BAG3: variants seen among roughly 807,000 people sequenced by gnomAD.
BAG3 encodes BAG cochaperone 3.
BAG3 carries 14 observed loss-of-function variants against 40.5 expected under a neutral mutation model. The ratio of observed to expected loss-of-function variants is 0.35; its 90% CI spans 0.23 to 0.54. The LOEUF (loss-of-function observed/expected upper bound fraction) is 0.54, where lower values mean the gene tolerates loss of function less well. Ranked by LOEUF, BAG3 falls within the 20% of genes least tolerant of loss-of-function variation. The probability of loss-of-function intolerance (pLI) is 0.91; values close to 1 mark genes in which losing one functional copy is unlikely to be tolerated. For synonymous variants in BAG3, 302 were observed against 307.8 expected (o/e 0.98, Z 0.20); for missense variants, 788 against 758.6 (o/e 1.04, Z -0.46).
intron 1 of BAG3, among the ~76,000 whole-genome samples, chr10:119,656,249 G>A (rs750844290): frequency 2.0e-5 from 3 of 152,076 alleles, no homozygotes; most frequent in African/African-American, 4.8e-5. Flanking sequence ...TGGCACTGGC[G>A]AACACGAGTG....
chr10:119,668,032 G>C (rs1350339194), intron 1 of BAG3, among the ~76,000 whole-genome samples: 1 of 152,224 alleles, frequency 6.6e-6, no homozygotes, highest in Non-Finnish European at 1.5e-5. Context: ...TGAATGTGAG[G>C]CCTGGACCTG....
At chr10:119,670,967 CCT>C (rs1340371218) in intron 2 of BAG3, among the ~76,000 whole-genome samples, 1 of 152,172 alleles carries the variant, frequency 6.6e-6, no homozygotes, top group African/African-American at 2.4e-5. Flanking sequence ...GTCATGCTTG[CCT>C]CTCAGCTCCG....
chr10:119,669,798 G>A lies in BAG3; in HGVS notation c.181-53G>A, dbSNP rs1250585353. ...CGCCACAGTGTTTCCTCTGCCAGGA[G>A]GGTTCACTTCCCAGTTTCTAACCAG... On this transcript the variant is annotated intron_variant, in intron 1 of 3. Transcript: ENST00000369085. 2.6e-6 allele frequency: 4 copies of A among 1,543,324 alleles called. No homozygotes were observed. In the East Asian group the frequency reaches 6.7e-5, roughly 26 times the overall value.
At chr10:119,651,975 G>T in intron 1 of BAG3, 120 bp downstream of exon 1, 1 of 877,488 alleles carries the variant, frequency 1.1e-6, no homozygotes, top group Non-Finnish European at 1.5e-6. Context: ...AAGGCCCCTC[G>T]CGGGCGGACA....
rs1446179881 is a variant in BAG3, at chr10:119,665,091, TTTG to T, written c.181-4758_181-4756del. Among the ~76,000 whole-genome samples, 201 of 55,106 alleles carry T rather than the reference TTTG, an allele frequency of 3.6e-3. 6 individuals carry two copies. Among genetic ancestry groups the T allele is most frequent in the African/African-American group, 0.012 (183 of 15,728 alleles). 36.2% of individuals were successfully genotyped at this position (55,106 alleles called of 152,430 possible). Reference sequence around the variant, plus strand: ...CGCCACCACACACAGCTAATTTTTGTTTGTGTGTGTGTGTGTGTGTGTGTGTGT... The same window carrying T: ...CGCCACCACACACAGCTAATTTTTGTTGTGTGTGTGTGTGTGTGTGTGTGT... On this transcript the variant is annotated intron_variant, in intron 1 of 3. Transcript: ENST00000369085.
chr10:119,675,919 T>TCCTCCCTC (rs762367884), intron 3 of BAG3, among the ~76,000 whole-genome samples: 5 of 10,132 alleles, frequency 4.9e-4, no homozygotes, highest in East Asian at 2.1e-3. Flanking sequence ...CTTCCTTCCT[T>TCCTCCCTC]CCTCCCTCCC....
intron 1 of BAG3, among the ~76,000 whole-genome samples, chr10:119,655,071 G>A (rs1275739140): frequency 6.6e-6 from 1 of 152,228 alleles, no homozygotes; most frequent in East Asian, 1.9e-4. Context: ...CACTGGCAGT[G>A]GGAGCCACGG....
At chr10:119,675,761 T>TTCCTTACCTCCTTCCC (rs1554877575) in intron 3 of BAG3, among the ~76,000 whole-genome samples, 1 of 81,200 alleles carries the variant, frequency 1.2e-5, no homozygotes, top group African/African-American at 5.0e-5. Flanking sequence ...CTTTCCTTCC[T>TTCCTTACCTCCTTCCC]TCCTTCCCTC....
In BAG3 at chr10:119,676,736, G is replaced by A. The variant is rs1847242297; in HGVS notation, c.1182G>A (p.Glu394=). Residue 394 remains glutamate, a synonymous_variant, in exon 4 of 4, where the codon GAG becomes GAA. Coordinates refer to ENST00000369085, the MANE Select transcript of BAG3 (RefSeq NM_004281.4). ...CCCCCAAGAGTGTGGCTACAGAAGA[G>A]AGGGCAGCCCCCAGCACTGCCCCTG... ...PSSPKSVATE[E]RAAPSTAPAE... The A allele has an allele frequency of 6.2e-7, 1 of 1,614,002 alleles. No individual in the cohort carries two copies. The highest frequency in any genetic ancestry group is 1.3e-5 in the African/African-American group (1 of 74,896).
rs189692700 is a variant in BAG3, at chr10:119,654,959, C to T, written c.180+3104C>T. Among the ~76,000 whole-genome samples the T allele has an allele frequency of 3.9e-5, 6 of 152,332 alleles. No homozygotes were observed. In the East Asian group the frequency reaches 7.7e-4, roughly 20 times the overall value. On this transcript the variant is annotated intron_variant, in intron 1 of 3. Transcript: ENST00000369085. ...AACACAGATTGTGGCTGTGTCTCAT[C>T]GCCTCCCTGCCCCAACCCCATGTTC...
chr10:119,668,971 A>T (rs181276362), intron 1 of BAG3, among the ~76,000 whole-genome samples: 8 of 152,304 alleles, frequency 5.3e-5, no homozygotes, highest in African/African-American at 1.9e-4. Flanking sequence ...AAGAGGAAAC[A>T]TCAGGGCTAA....
Position 119,651,581 on chromosome 10 carries a change from G to T in BAG3, c.-95G>T. 1 of 1,208,498 alleles carries T rather than the reference G, an allele frequency of 8.3e-7. No individual in the cohort carries two copies. 74.9% of individuals were successfully genotyped at this position (1,208,498 alleles called of 1,614,324 possible). The stretch of plus-strand genomic sequence containing the variant: ...CGCCGGCTTCCCGGACACGTCGGCG[G>T]CGGAGAGGGGCCCACGGCGGCGGCC... On this transcript the variant is annotated 5_prime_UTR_variant, in exon 1 of 4. Coordinates refer to ENST00000369085, the MANE Select transcript of BAG3 (RefSeq NM_004281.4).
intron 1 of BAG3, among the ~76,000 whole-genome samples, chr10:119,665,932 G>A (rs1350691174): frequency 6.6e-6 from 1 of 152,156 alleles, no homozygotes; most frequent in Non-Finnish European, 1.5e-5. Flanking sequence ...CCCAAGCCCA[G>A]GAATACAGAC....
At chr10:119,657,507 A>G (rs1447430141) in intron 1 of BAG3, 3 of 470,874 alleles carry the variant, frequency 6.4e-6, no homozygotes, top group African/African-American at 6.0e-5. Context: ...GGAGAAGGGT[A>G]GAACATGGGC....
rs570294713 is a variant in BAG3, at chr10:119,677,001, G to A, written c.1447G>A (p.Gly483Ser). The A allele has an allele frequency of 1.8e-5, 29 of 1,614,144 alleles. No individual in the cohort carries two copies. The Middle Eastern group carries it at 8.2e-4, about 46-fold the overall frequency. Residue 483 changes from glycine (G) to serine (S), a missense_variant, in exon 4 of 4, where the codon GGT becomes AGT. By Grantham distance (56) the Gly-to-Ser change is moderately conservative (BLOSUM62 0). Transcript: ENST00000369085. Reference protein sequence around the residue: ...RADVRQARRDGVRKVQTILEK... With the variant: ...RADVRQARRDSVRKVQTILEK... ...CGATGTGCGTCAGGCCAGGAGAGACGGTGTCAGGAAGGTTCAGACCATCTT... is the reference window on the plus strand; with the variant it reads ...CGATGTGCGTCAGGCCAGGAGAGACAGTGTCAGGAAGGTTCAGACCATCTT...
At chr10:119,675,607 G>A (rs1379210477) in intron 3 of BAG3, among the ~76,000 whole-genome samples, 2 of 152,186 alleles carry the variant, frequency 1.3e-5, no homozygotes, top group African/African-American at 2.4e-5. Flanking sequence ...CACACCGTGA[G>A]CAGACTGTCT....
chr10:119,657,793 G>T (rs1225181003), intron 1 of BAG3, among the ~76,000 whole-genome samples: 1 of 152,264 alleles, frequency 6.6e-6, no homozygotes, highest in African/African-American at 2.4e-5. Context: ...GAGGCTGGGA[G>T]CTGGCAGCAG....
chr10:119,661,454 A>G (rs907136912), intron 1 of BAG3, among the ~76,000 whole-genome samples: 1 of 152,168 alleles, frequency 6.6e-6, no homozygotes, highest in Non-Finnish European at 1.5e-5. Context: ...ACAGCTGGTG[A>G]GCATCAAGGA....
chr10:119,676,249 T>G (rs1163316588), intron 3 of BAG3, among the ~76,000 whole-genome samples: 1 of 151,940 alleles, frequency 6.6e-6, no homozygotes, highest in Non-Finnish European at 1.5e-5. Flanking sequence ...CCTGGGGTGA[T>G]CAATGGAAGC....
Sources: gnomAD v4.1 joint callset for allele counts (sites outside exome capture counted in the v4.1 genomes callset) on GRCh38, gnomAD v4.1.1 for gene constraint, MANE v1.5 for transcripts, NCBI Gene and HGNC (gene_info 2026-07-23, HGNC 2026-07-21) for gene names.